HTT: variants seen among roughly 807,000 people sequenced by gnomAD.
The protein encoded by HTT is huntington disease protein.
In HTT, 104 loss-of-function variants were observed where a neutral mutation model predicts 362.3. That is an observed-to-expected ratio of 0.29 (90% CI 0.24 to 0.34). The LOEUF is 0.34. Among genes scored for constraint, HTT ranks in the 10% least tolerant of loss-of-function variants. The pLI, the probability that HTT is intolerant of heterozygous loss-of-function variation, is 1.00. For missense variants in HTT, 3,301 were observed against 3,928.6 expected (o/e 0.84, Z 4.27); for synonymous variants, 1,577 against 1,548.7 (o/e 1.02, Z -0.43).
intron 25 of HTT, 53 bp downstream of exon 25, chr4:3,147,001 T>C (rs1234980439): frequency 2.6e-6 from 4 of 1,566,004 alleles, no homozygotes; most frequent in Admixed American, 3.3e-5. Context: ...TTGATTTCCT[T>C]AGGGGGAATG....
Position 3,178,303 on chromosome 4 carries a change from C to T in HTT, c.4469C>T (p.Ser1490Leu), listed in dbSNP as rs1320268171. ...ATGGATGTTTTTGTTTTTAGGGAATCAGAGGCAATCATTCCAAACATCTTT... is the reference window on the plus strand; with the variant it reads ...ATGGATGTTTTTGTTTTTAGGGAATTAGAGGCAATCATTCCAAACATCTTT... The part of the protein sequence containing the change: ...EYIEVGQFRE[S>L]EAIIPNIFFF... The change falls in exon 35 of 67, where the codon TCA becomes TTA. Residue 1490 changes from serine to leucine, a missense_variant. Coordinates refer to ENST00000355072, the MANE Select transcript of HTT (RefSeq NM_001388492.1). 6.2e-7 allele frequency: 1 copy of T among 1,603,362 alleles called. No homozygotes were observed. Among genetic ancestry groups the T allele is most frequent in the African/African-American group, 1.3e-5 (1 of 74,694 alleles).
rs1353771125 is a variant in HTT at position 3,225,716 on chromosome 4, G to A, written c.7821G>A (p.Leu2607=). ...LLLQINPERE[L]GSMSYKLGQV... ...TACAGATCAACCCCGAGCGGGAGCT[G>A]GGGAGCATGAGCTACAAACTCGGCC... Residue 2607 remains leucine, a synonymous_variant, in exon 57 of 67, where the codon CTG becomes CTA. Coordinates refer to ENST00000355072, the MANE Select transcript of HTT (RefSeq NM_001388492.1). 1.2e-6 allele frequency: 2 copies of A among 1,613,960 alleles called. No individual in the cohort carries two copies. The highest frequency in any genetic ancestry group is 1.7e-6 in the Non-Finnish European group (2 of 1,179,976).
chr4:3,144,610 C>T (rs1273207543), intron 23 of HTT, among the ~76,000 whole-genome samples: 1 of 152,172 alleles, frequency 6.6e-6, no homozygotes, highest in Non-Finnish European at 1.5e-5. Flanking sequence ...GCTACTGCGC[C>T]CAGCCAGACC....
At chr4:3,221,528 T>G (rs983979564) in intron 53 of HTT, among the ~76,000 whole-genome samples, 2 of 152,242 alleles carry the variant, frequency 1.3e-5, no homozygotes, top group African/African-American at 4.8e-5. Flanking sequence ...TCTGTATCTG[T>G]GTCTGAATCA....
chr4:3,177,852 A>G (rs1718306533), intron 34 of HTT, among the ~76,000 whole-genome samples: 1 of 152,254 alleles, frequency 6.6e-6, no homozygotes, highest in African/African-American at 2.4e-5. Flanking sequence ...TTTAGTACCT[A>G]AAATGCTTAA....
intron 46 of HTT, among the ~76,000 whole-genome samples, chr4:3,209,470 C>A (rs1382584002): frequency 1.3e-5 from 2 of 152,252 alleles, no homozygotes; most frequent in Non-Finnish European, 2.9e-5. Flanking sequence ...CCTTCTTAGG[C>A]TCTATTCGCT....
At position 3,220,211 on chromosome 4, in the gene HTT, G is replaced by A. The variant is rs372202628; in HGVS notation, c.7272G>A (p.Pro2424=). 8.9e-5 allele frequency: 144 copies of A among 1,613,980 alleles called. No individual in the cohort carries two copies. Among genetic ancestry groups the A allele is most frequent in the Middle Eastern group, 4.9e-4 (3 of 6,084 alleles). Residue 2424 remains proline, a synonymous_variant, in exon 53 of 67, where the codon CCG becomes CCA. Transcript: ENST00000355072. ...GGAAGCTTGGATGGTCACCCAAACCGGGAGGGGATTTTGGCACAGCATTCC... is the reference window on the plus strand; with the variant it reads ...GGAAGCTTGGATGGTCACCCAAACCAGGAGGGGATTTTGGCACAGCATTCC... ...LVWKLGWSPK[P]GGDFGTAFPE...
rs144671545 is a variant in HTT, at chr4:3,234,475, C to T, written c.8457-809C>T. Among the ~76,000 whole-genome samples the T allele has an allele frequency of 7.3e-4, 111 of 152,326 alleles. No individual in the cohort carries two copies. In the East Asian group the frequency reaches 0.013, roughly 18 times the overall value. On this transcript the variant is annotated intron_variant, in intron 61 of 66. Coordinates refer to ENST00000355072, the MANE Select transcript of HTT (RefSeq NM_001388492.1). ...TCAGGCACATATGTTGGTGCAGTGA[C>T]GTGATTTTGGGGGGCAGCCCCAGAA...
At chr4:3,210,338 G>A (rs1720092110) in intron 47 of HTT, among the ~76,000 whole-genome samples, 1 of 152,214 alleles carries the variant, frequency 6.6e-6, no homozygotes, top group Non-Finnish European at 1.5e-5. Flanking sequence ...AGACAGAATG[G>A]AAGTCAAGGT....
rs866700578 is a variant in HTT at position 3,083,586 on chromosome 4, C to T, written c.264-3353C>T. Among the ~76,000 whole-genome samples the T allele has an allele frequency of 3.8e-3, 448 of 118,600 alleles. 2 individuals carry two copies. The highest frequency in any genetic ancestry group is 8.7e-3 in the Middle Eastern group (2 of 230). The allele number at this position is 118,600 out of a possible 152,430, so 77.8% of individuals were successfully genotyped here. On this transcript the variant is annotated intron_variant, in intron 1 of 66. Transcript: ENST00000355072. ...ACACACACACACACACACACACACACATATATATGTATATATATGCATTTA... is the reference window on the plus strand; with the variant it reads ...ACACACACACACACACACACACACATATATATATGTATATATATGCATTTA...
intron 41 of HTT, among the ~76,000 whole-genome samples, chr4:3,202,280 G>A (rs1412312078): frequency 6.6e-6 from 1 of 152,126 alleles, no homozygotes; most frequent in Non-Finnish European, 1.5e-5. Context: ...CTGAGATTTG[G>A]GGGGGCTTGT....
At position 3,228,726 on chromosome 4, in the gene HTT, A is replaced by T. The variant is rs747053633; in HGVS notation, c.7960A>T (p.Thr2654Ser). The T allele has an allele frequency of 7.5e-6, 12 of 1,596,420 alleles. No individual in the cohort carries two copies. In the South Asian group the frequency reaches 1.2e-4, roughly 16 times the overall value. The change falls in exon 58 of 67, where the codon ACG becomes TCG. Residue 2654 changes from threonine to serine, a missense_variant. By Grantham distance (58) the Thr-to-Ser change is moderately conservative (BLOSUM62 1). Around this residue, in one of 4 missense-constraint regions of HTT, gnomAD observed 753 missense variants for 1,021.3 expected, o/e 0.74. Transcript: ENST00000355072. This position sits in a 1 kb window ranked among gnomAD's most constrained non-coding sequence, Gnocchi z 4.3. ...ADAPAPSSPP[T>S]SPVNSRKHRA... ...CGCCCCTGCACCTTCGTCACCACCC[A>T]CGTCTCCAGTCAACTCCAGGTTTTC... is the stretch of plus-strand genomic sequence containing the variant.
chr4:3,196,764 A>G (rs1383621870), intron 40 of HTT, among the ~76,000 whole-genome samples: 1 of 151,708 alleles, frequency 6.6e-6, no homozygotes, highest in Non-Finnish European at 1.5e-5. Context: ...TCCATTGCAT[A>G]CTTCACCGTA....
At chr4:3,225,153 G>T (rs1018629995) in intron 56 of HTT, among the ~76,000 whole-genome samples, 2 of 151,740 alleles carry the variant, frequency 1.3e-5, no homozygotes, top group African/African-American at 4.8e-5. Flanking sequence ...GGCCTGGGGC[G>T]TGGGGGGGTG....
At chr4:3,075,647 C>CGGGGGGGG (rs1560535774) in intron 1 of HTT, among the ~76,000 whole-genome samples, 8 of 61,662 alleles carry the variant, frequency 1.3e-4, no homozygotes, top group Non-Finnish European at 2.1e-4. Flanking sequence ...AGTGGCGGGG[C>CGGGGGGGG]AGGGGGGGGG....
intron 40 of HTT, among the ~76,000 whole-genome samples, chr4:3,196,103 A>T (rs192905086): frequency 6.6e-6 from 1 of 152,268 alleles, no homozygotes; most frequent in East Asian, 1.9e-4. Flanking sequence ...TCACCATGGG[A>T]TTAGTGGTGG....
chr4:3,171,867 G>C (rs1209616784), intron 29 of HTT, among the ~76,000 whole-genome samples: 1 of 152,222 alleles, frequency 6.6e-6, no homozygotes, highest in East Asian at 1.9e-4. Flanking sequence ...CATTAAGGTA[G>C]TTATTTGGTC....
At position 3,132,158 on chromosome 4, in the gene HTT, C is replaced by T. The variant is rs540877340; in HGVS notation, c.2236+383C>T. Reference sequence around the variant, plus strand: ...CAGCAGTGGACCCAAGTCTCCATCGCGCCCATGCTTACTATGGAGCCTTCT... The same window carrying T: ...CAGCAGTGGACCCAAGTCTCCATCGTGCCCATGCTTACTATGGAGCCTTCT... On this transcript the variant is annotated intron_variant, in intron 16 of 66. Coordinates refer to ENST00000355072, the MANE Select transcript of HTT (RefSeq NM_001388492.1). Among the ~76,000 whole-genome samples the T allele has an allele frequency of 2.0e-5, 3 of 152,328 alleles. No individual in the cohort carries two copies. In the South Asian group the frequency reaches 6.2e-4, roughly 32 times the overall value.
chr4:3,170,198 G>A (rs775320046), intron 29 of HTT, among the ~76,000 whole-genome samples: 2 of 152,074 alleles, frequency 1.3e-5, no homozygotes, highest in Non-Finnish European at 2.9e-5. Flanking sequence ...CTTGAGCTTT[G>A]TTCTGAGGTT....
Sources: gnomAD v4.1 joint callset for allele counts (sites outside exome capture counted in the v4.1 genomes callset) on GRCh38, gnomAD v4.1.1 for gene constraint, gnomAD v4.1.1 regional missense constraint, Gnocchi (gnomAD v3.1) non-coding constraint, MANE v1.5 for transcripts, NCBI Gene and HGNC (gene_info 2026-07-23, HGNC 2026-07-21) for gene names.